Variants in HMGCS1 observed in about 807,000 individuals in gnomAD.
HMGCS1 encodes hydroxymethylglutaryl-CoA synthase, cytoplasmic.
In HMGCS1, 9 loss-of-function variants were observed where a neutral mutation model predicts 52.3. That is an observed-to-expected ratio of 0.17 (90% confidence interval 0.10 to 0.30). The LOEUF (loss-of-function observed/expected upper bound fraction) is 0.30, where lower values mean the gene tolerates loss of function less well. HMGCS1 is among the 10% of genes least tolerant of loss of function. The pLI, the probability that HMGCS1 is intolerant of heterozygous loss-of-function variation, is 1.00. For synonymous variants in HMGCS1, 176 were observed against 214.4 expected (o/e 0.82, Z 1.57); for missense variants, 320 against 620.9 (o/e 0.52, Z 5.15).
In HMGCS1 at chr5:43,291,092, G is replaced by GCCCC; in HGVS notation, c.*38_*39insGGGG. On this transcript the variant is annotated 3_prime_UTR_variant, in exon 11 of 11. Coordinates refer to ENST00000325110, the MANE Select transcript of HMGCS1 (RefSeq NM_001098272.3). ...AACTGTTCCCATACCCCCACCCCAT[G>GCCCC]CCCACCCCACCCTGAAGTCTTGCAC... 4.2e-6 allele frequency: 2 copies of GCCCC among 477,556 alleles called. No individual in the cohort carries two copies. The highest frequency in any genetic ancestry group is 4.2e-6 in the Non-Finnish European group (1 of 238,636). 29.6% of individuals were successfully genotyped at this position (477,556 alleles called of 1,614,324 possible). A position where few individuals can be genotyped will look rare whatever the true frequency, so the allele number is the denominator to read the frequency against.
At chr5:43,292,659 T>C in intron 9 of HMGCS1, 22 bp from the exon 10 acceptor site, 1 of 1,594,830 alleles carries the variant, frequency 6.3e-7, no homozygotes, top group Non-Finnish European at 8.6e-7. Context: ...GGAGAGAATA[T>C]CTACAATTAG....
chr5:43,292,933 A>C lies in HMGCS1; in HGVS notation c.1224T>G (p.Leu408=). ...CAGTTCTTGAATCAAGCCTTGATTT[A>C]AGATCACATAAACTTGCTGTTATTT... The part of the protein sequence containing the change: ...LDKITASLCD[L]KSRLDSRTGV... The change falls in exon 9 of 11, where the codon CTT becomes CTG. Residue 408 remains leucine, a synonymous_variant. Coordinates refer to ENST00000325110, the MANE Select transcript of HMGCS1 (RefSeq NM_001098272.3). The C allele has an allele frequency of 1.9e-6, 3 of 1,607,626 alleles. No individual in the cohort carries two copies. The highest frequency in any genetic ancestry group is 2.5e-6 in the Non-Finnish European group (3 of 1,177,708).
intron 2 of HMGCS1, among the ~76,000 whole-genome samples, chr5:43,300,468 T>A (rs1474982411): frequency 6.6e-6 from 1 of 152,172 alleles, no homozygotes; most frequent in Non-Finnish European, 1.5e-5. Flanking sequence ...TGTATTTATG[T>A]CATTTGTCCT....
At chr5:43,293,854 C>T (rs1043870117) in intron 8 of HMGCS1, 10 of 441,432 alleles carry the variant, frequency 2.3e-5, no homozygotes, top group African/African-American at 2.0e-4. Flanking sequence ...GCTAGGACTA[C>T]AGGCATGCAC....
chr5:43,292,333 C>A, intron 10 of HMGCS1, 141 bp downstream of exon 10: 1 of 642,128 alleles, frequency 1.6e-6, no homozygotes, highest in Non-Finnish European at 2.6e-6. Context: ...AAATGCAAAG[C>A]ACTTTATACA....
chr5:43,297,520 A>C (rs1754089823), intron 4 of HMGCS1, among the ~76,000 whole-genome samples: 1 of 152,192 alleles, frequency 6.6e-6, no homozygotes, highest in Admixed American at 6.5e-5. Flanking sequence ...TGGGGATGAC[A>C]CCACCTACCT....
chr5:43,312,506 C>T (rs981136350), intron 1 of HMGCS1, among the ~76,000 whole-genome samples: 1 of 152,186 alleles, frequency 6.6e-6, no homozygotes, highest in African/African-American at 2.4e-5. Flanking sequence ...CAAGGCCAGA[C>T]GTGGGTTTTC....
Position 43,289,274 on chromosome 5 carries a change from T to C in HMGCS1, c.*1857A>G, listed in dbSNP as rs139575625. The C allele has an allele frequency of 2.8e-4, 43 of 152,628 alleles. No individual in the cohort carries two copies. In the East Asian group the frequency reaches 7.3e-3, roughly 26 times the overall value. 9.5% of individuals were successfully genotyped at this position (152,628 alleles called of 1,614,324 possible). ...AGGATTTCAAATGTTTGTGAAATGA[T>C]AAATGAATGGAATGAGTGAACGAAC... On this transcript the variant is annotated 3_prime_UTR_variant, in exon 11 of 11. Transcript: ENST00000325110.
chr5:43,312,124 G>A (rs929863722), intron 1 of HMGCS1, among the ~76,000 whole-genome samples: 1 of 152,188 alleles, frequency 6.6e-6, no homozygotes, highest in African/African-American at 2.4e-5. Flanking sequence ...ACTTTCAACT[G>A]CCTCTCATCT....
At chr5:43,292,677 AT>A (rs770427434) in intron 9 of HMGCS1, 40 bp from the exon 10 acceptor site, 7 of 1,565,336 alleles carry the variant, frequency 4.5e-6, no homozygotes, top group Non-Finnish European at 6.1e-6. Flanking sequence ...TAGTTATGAT[AT>A]ACAATTCATC....
chr5:43,293,024 C>T (rs984970792), intron 8 of HMGCS1, 51 bp from the exon 9 acceptor site: 4 of 1,471,512 alleles, frequency 2.7e-6, no homozygotes, highest in Non-Finnish European at 3.7e-6. Context: ...AAAATCATGT[C>T]CAAAAGAAGC....
rs367769428 is a variant in HMGCS1, at chr5:43,298,493, G to A, written c.448+25C>T. ...ACCTTAGAAAAAAATTTTGGGGGACGGCGGGGAATAGGCATGTAACATACC... is the reference window on the plus strand; with the variant it reads ...ACCTTAGAAAAAAATTTTGGGGGACAGCGGGGAATAGGCATGTAACATACC... On this transcript the variant is annotated intron_variant, in intron 3 of 10. Coordinates refer to ENST00000325110, the MANE Select transcript of HMGCS1 (RefSeq NM_001098272.3). The surrounding 1 kb of genome is among the most constrained non-coding windows in gnomAD (Gnocchi z 5.6). The A allele has an allele frequency of 2.5e-5, 39 of 1,574,060 alleles. No individual in the cohort carries two copies. The highest frequency in any genetic ancestry group is 1.7e-4 in the Middle Eastern group (1 of 5,848).
intron 2 of HMGCS1, among the ~76,000 whole-genome samples, chr5:43,305,002 T>G (rs1441246657): frequency 1.3e-5 from 2 of 152,008 alleles, no homozygotes; most frequent in East Asian, 3.9e-4. Context: ...ACTTTTTTTT[T>G]TGAGACGGAG....
chr5:43,289,466 T>G lies in HMGCS1; in HGVS notation c.*1665A>C, dbSNP rs1753637596. 6.6e-6 allele frequency: 1 copy of G among 152,644 alleles called. No individual in the cohort carries two copies. 9.5% of individuals were successfully genotyped at this position (152,644 alleles called of 1,614,324 possible). On this transcript the variant is annotated 3_prime_UTR_variant, in exon 11 of 11. Transcript: ENST00000325110. ...TTAATAAGGTGTATGATTAATGCTCTGTGCCAGTATTTGCAGGCCTGCCCA... is the reference window on the plus strand; with the variant it reads ...TTAATAAGGTGTATGATTAATGCTCGGTGCCAGTATTTGCAGGCCTGCCCA...
intron 2 of HMGCS1, among the ~76,000 whole-genome samples, chr5:43,305,547 A>G (rs933868629): frequency 6.6e-6 from 1 of 151,936 alleles, no homozygotes; most frequent in African/African-American, 2.4e-5. Context: ...AGGTGGGCGG[A>G]TCACTTAAGG....
rs762045467 is a variant in HMGCS1, at chr5:43,295,903, C to G, written c.754G>C (p.Asp252His). 1 of 1,611,084 alleles carries G rather than the reference C, an allele frequency of 6.2e-7. No homozygotes were observed. The highest frequency in any genetic ancestry group is 8.5e-7 in the Non-Finnish European group (1 of 1,177,918). ...AQWQKEGNDK[D>H]FTLNDFGFMI... ...AAGCCAAAATCATTCAAGGTAAAATCTTTATCATTTCCCTCTGAAAGAGAA... is the reference window on the plus strand; with the variant it reads ...AAGCCAAAATCATTCAAGGTAAAATGTTTATCATTTCCCTCTGAAAGAGAA... The change falls in exon 6 of 11, where the codon GAT (aspartate) becomes CAT (histidine). Residue 252 changes from aspartate (D) to histidine (H), a missense_variant. Asp to His is a moderately conservative substitution (Grantham distance 81). Around this residue, in one of 3 missense-constraint regions of HMGCS1, gnomAD observed 213 missense variants for 337.4 expected, o/e 0.63. Transcript: ENST00000325110.
At chr5:43,307,599 T>A (rs1415010518) in intron 2 of HMGCS1, among the ~76,000 whole-genome samples, 167 bp downstream of exon 2, 3 of 152,218 alleles carry the variant, frequency 2.0e-5, no homozygotes, top group African/African-American at 7.2e-5. Context: ...AAAATTAGTT[T>A]CCTGAAGCAT....
chr5:43,289,658 TAAATG>T lies in HMGCS1; in HGVS notation c.*1468_*1472del, dbSNP rs1195893499. The T allele has an allele frequency of 1.3e-5, 2 of 152,646 alleles. No individual in the cohort carries two copies. Among genetic ancestry groups the T allele is most frequent in the Non-Finnish European group, 2.9e-5 (2 of 68,038 alleles). The allele number at this position is 152,646 out of a possible 1,614,324, so 9.5% of individuals were successfully genotyped here. Reference sequence around the variant, plus strand: ...ATTATTAATCTACATCAGTGAATGTTAAATGAAGTCATTTTAACAAATTATGACTG... The same window carrying T: ...ATTATTAATCTACATCAGTGAATGTTAAGTCATTTTAACAAATTATGACTG... On this transcript the variant is annotated 3_prime_UTR_variant, in exon 11 of 11. Coordinates refer to ENST00000325110, the MANE Select transcript of HMGCS1 (RefSeq NM_001098272.3).
chr5:43,309,270 C>T (rs576041496), intron 1 of HMGCS1, among the ~76,000 whole-genome samples: 2 of 150,430 alleles, frequency 1.3e-5, no homozygotes, highest in South Asian at 4.2e-4. Flanking sequence ...GGGTCTCCCT[C>T]TGTCACCCAG....
Sources: gnomAD v4.1 joint callset for allele counts (sites outside exome capture counted in the v4.1 genomes callset) on GRCh38, gnomAD v4.1.1 for gene constraint, gnomAD v4.1.1 regional missense constraint, Gnocchi (gnomAD v3.1) non-coding constraint, MANE v1.5 for transcripts, NCBI Gene and HGNC (gene_info 2026-07-23, HGNC 2026-07-21) for gene names.